The following USP47 variants were observed in gnomAD, a reference collection of about 807,000 sequenced individuals.
USP47 encodes ubiquitin carboxyl-terminal hydrolase 47.
Under a neutral mutation model 165.1 loss-of-function variants are expected in USP47, and 35 were observed. The observed-to-expected ratio is 0.21, with a 90% confidence interval of 0.16 to 0.28. USP47 has a LOEUF of 0.28. Among genes scored for constraint, USP47 ranks in the 10% least tolerant of loss-of-function variants. The pLI is 1.00. For synonymous variants in USP47, 531 were observed against 544.5 expected (o/e 0.98, Z 0.35); for missense variants, 1,277 against 1,607.4 (o/e 0.79, Z 3.52).
intron 1 of USP47, among the ~76,000 whole-genome samples, chr11:11,850,454 T>C (rs904044407): frequency 2.7e-5 from 4 of 148,574 alleles, no homozygotes; most frequent in African/African-American, 1.0e-4. Flanking sequence ...CAGTGTCTTA[T>C]CTCTCTTAGG....
intron 1 of USP47, chr11:11,856,340 T>C (rs1174929663): frequency 1.3e-5 from 2 of 152,214 alleles, no homozygotes; most frequent in Non-Finnish European, 2.9e-5. Flanking sequence ...ATACCAAAAA[T>C]TTGCATACAA....
chr11:11,955,978 T>C (rs368302029), intron 27 of USP47, 23 bp from the exon 28 acceptor site: 10 of 1,523,626 alleles, frequency 6.6e-6, no homozygotes, highest in African/African-American at 1.4e-5. Flanking sequence ...TGGACTAATA[T>C]GTGATTAATA....
At chr11:11,933,206 C>T (rs1854803686) in intron 15 of USP47, 90 bp downstream of exon 15, 4 of 1,002,888 alleles carry the variant, frequency 4.0e-6, no homozygotes, top group Non-Finnish European at 6.1e-6. Flanking sequence ...TGGGTTGATT[C>T]TGAGACAATT....
intron 1 of USP47, among the ~76,000 whole-genome samples, chr11:11,858,242 G>A (rs746721076): frequency 6.6e-6 from 1 of 151,578 alleles, no homozygotes; most frequent in East Asian, 1.9e-4. Context: ...TGCTCCACCG[G>A]TAACGGTTAA....
At chr11:11,906,702 A>T (rs1365837081) in intron 8 of USP47, among the ~76,000 whole-genome samples, 1 of 152,156 alleles carries the variant, frequency 6.6e-6, no homozygotes, top group Non-Finnish European at 1.5e-5. Context: ...ACTTTTTTAA[A>T]TGGCCATCTA....
At chr11:11,892,995 C>G (rs1402450882) in intron 4 of USP47, among the ~76,000 whole-genome samples, 1 of 151,934 alleles carries the variant, frequency 6.6e-6, no homozygotes, top group Non-Finnish European at 1.5e-5. Context: ...TTTTATGGGT[C>G]TGTTGTGTTA....
intron 11 of USP47, among the ~76,000 whole-genome samples, chr11:11,926,432 T>G (rs1854247546): frequency 1.3e-5 from 2 of 152,156 alleles, no homozygotes; most frequent in African/African-American, 4.8e-5. Context: ...TTGTAGAAAT[T>G]TATCCATTTC....
chr11:11,895,766 T>C (rs2134405174), intron 4 of USP47, among the ~76,000 whole-genome samples: 1 of 152,286 alleles, frequency 6.6e-6, no homozygotes, highest in Middle Eastern at 3.4e-3. Context: ...TAACAGCCTT[T>C]TTATCTACTT....
chr11:11,885,616 G>A (rs1234940346), intron 3 of USP47, among the ~76,000 whole-genome samples: 2 of 152,044 alleles, frequency 1.3e-5, no homozygotes, highest in Admixed American at 1.3e-4. Flanking sequence ...GCAGCCACTC[G>A]GACACACATA....
At chr11:11,891,893 C>T (rs1052831326) in intron 3 of USP47, 75 bp from the exon 4 acceptor site, 1 of 1,535,184 alleles carries the variant, frequency 6.5e-7, no homozygotes, top group East Asian at 2.3e-5. Flanking sequence ...TCAAACCTTC[C>T]TACAGGAAAT....
rs1854607514 is a variant in USP47 at position 11,930,751 on chromosome 11, A to G, written c.1651A>G (p.Lys551Glu). 3 of 1,604,284 alleles carry G rather than the reference A, an allele frequency of 1.9e-6. No individual in the cohort carries two copies. Among genetic ancestry groups the G allele is most frequent in the East Asian group, 4.5e-5 (2 of 44,352 alleles). The change falls in exon 14 of 28, where the codon AAA becomes GAA. Residue 551 changes from lysine (K) to glutamate (E), a missense_variant and splice_region_variant. Coordinates refer to ENST00000527733, the MANE Select transcript of USP47 (RefSeq NM_001282659.2). ...ACTGAAGGATCCAGCCAGAAATGCAAGTATGTTTACCTACAGTTATTTGAT... is the reference window on the plus strand; with the variant it reads ...ACTGAAGGATCCAGCCAGAAATGCAGGTATGTTTACCTACAGTTATTTGAT... ...YRLKDPARNAKFLEVDEYPEH... is the reference protein window; with the variant it reads ...YRLKDPARNAEFLEVDEYPEH...
chr11:11,954,581 G>A (rs1436548788), intron 25 of USP47, among the ~76,000 whole-genome samples: 2 of 152,180 alleles, frequency 1.3e-5, no homozygotes, highest in African/African-American at 2.4e-5. Flanking sequence ...TTCGGTTATT[G>A]AAGAGAATGT....
rs780737628 is a variant in USP47, at chr11:11,938,238, A to T, written c.2078-19A>T. On this transcript the variant is annotated intron_variant, in intron 17 of 27. Transcript: ENST00000527733. ...AAAAATAACCTCCAATTCTGTGTTT[A>T]TGTCTTCAAATGTGACAGAAGTGAT... The T allele has an allele frequency of 6.3e-7, 1 of 1,597,136 alleles. No homozygotes were observed. Among genetic ancestry groups the T allele is most frequent in the East Asian group, 2.2e-5 (1 of 44,700 alleles).
chr11:11,920,605 A>G, intron 10 of USP47, 111 bp downstream of exon 10: 1 of 983,670 alleles, frequency 1.0e-6, no homozygotes, highest in Non-Finnish European at 1.4e-6. Flanking sequence ...TGTCTTCTTG[A>G]TGGAAACTTT....
chr11:11,920,116 A>G (rs1460048868), intron 8 of USP47, 40 bp from the exon 9 acceptor site: 2 of 1,416,364 alleles, frequency 1.4e-6, no homozygotes. Context: ...CATTAATATA[A>G]TATTTTAAGT....
At position 11,959,291 on chromosome 11, in the gene USP47, T is replaced by C. The variant is rs1260890422; in HGVS notation, c.*3116T>C. ...CTAGAGGATACTCTGAATTAGCAAGTTTTTTGTTTGCTGAATAAAACTATT... is the reference window on the plus strand; with the variant it reads ...CTAGAGGATACTCTGAATTAGCAAGCTTTTTGTTTGCTGAATAAAACTATT... On this transcript the variant is annotated 3_prime_UTR_variant, in exon 28 of 28. Transcript: ENST00000527733. 1 of 152,240 alleles carries C rather than the reference T, an allele frequency of 6.6e-6. No individual in the cohort carries two copies. The highest frequency in any genetic ancestry group is 2.4e-5 in the African/African-American group (1 of 41,468). The allele number at this position is 152,240 out of a possible 1,614,324, so 9.4% of individuals were successfully genotyped here.
Position 11,956,032 on chromosome 11 carries a change from G to A in USP47, c.3925G>A (p.Asp1309Asn), listed in dbSNP as rs544010217. 10 of 1,587,404 alleles carry A rather than the reference G, an allele frequency of 6.3e-6. No individual in the cohort carries two copies. The highest frequency in any genetic ancestry group is 8.5e-6 in the Non-Finnish European group (10 of 1,171,084). The change falls in exon 28 of 28, where the codon GAT becomes AAT. Residue 1309 changes from aspartate (D) to asparagine (N), a missense_variant. Transcript: ENST00000527733. ...AACAGAAGAATTAATGGAATTGACA[G>A]ATGAGCAAAGAAATGAACTGATGAA... ...DKTEELMELT[D>N]EQRNELMKKE...
intron 2 of USP47, among the ~76,000 whole-genome samples, chr11:11,882,259 A>G (rs2134316752): frequency 6.6e-6 from 1 of 152,122 alleles, no homozygotes; most frequent in South Asian, 2.1e-4. Flanking sequence ...AGATTTCCAT[A>G]TTTTTCTGTC....
At chr11:11,868,184 T>C (rs61870718) in intron 1 of USP47, among the ~76,000 whole-genome samples, 2,559 of 152,328 alleles carry the variant, frequency 0.017, 33 homozygotes, top group Middle Eastern at 0.034. Context: ...TGGACTATAA[T>C]ACACTATCAG....
Sources: gnomAD v4.1 joint callset for allele counts (sites outside exome capture counted in the v4.1 genomes callset) on GRCh38, gnomAD v4.1.1 for gene constraint, MANE v1.5 for transcripts, NCBI Gene and HGNC (gene_info 2026-07-23, HGNC 2026-07-21) for gene names.